The following C8orf34 variants were observed in gnomAD, a reference collection of about 807,000 sequenced individuals.
C8orf34 encodes the protein chromosome 8 open reading frame 34, also known as uncharacterized protein C8orf34.
In C8orf34, 65 loss-of-function variants were observed where a neutral mutation model predicts 68.3. The ratio of observed to expected loss-of-function variants is 0.95; its 90% confidence interval spans 0.78 to 1.17. The LOEUF is 1.17. C8orf34 is among the 50% of genes most tolerant of loss of function. The pLI is 0.00. For missense variants in C8orf34, 664 were observed against 655.4 expected, an observed-to-expected ratio of 1.01 and a Z score of -0.14; for synonymous variants, 244 against 241.2, an observed-to-expected ratio of 1.01 and a Z score of -0.11.
In C8orf34 at chr8:68,343,584, G is replaced by A. The variant is rs118118234; in HGVS notation, c.327+12245G>A. 9.7e-3 allele frequency among the ~76,000 whole-genome samples: 1,371 copies of A among 141,536 alleles called. 44 individuals are homozygous for A. The East Asian group carries it at 0.1, about 11-fold the overall frequency. The allele number at this position is 141,536 out of a possible 152,430, so 92.9% of individuals were successfully genotyped here. ...GGACTGCAGGCAGATGATGCTGTAT[G>A]CCTAGCTAATTTTTTTTTTTTTTTT... is the stretch of plus-strand genomic sequence containing the variant. On this transcript the variant is annotated intron_variant, in intron 1 of 13. Transcript: ENST00000518698.
chr8:68,662,182 A>G (rs533263899), intron 8 of C8orf34, among the ~76,000 whole-genome samples: 1 of 152,094 alleles, frequency 6.6e-6, no homozygotes, highest in Admixed American at 6.5e-5. Flanking sequence ...AGCAAACAAA[A>G]GTTGTTTTGT....
chr8:68,541,527 A>G (rs547360705), intron 7 of C8orf34, among the ~76,000 whole-genome samples: 15 of 152,250 alleles, frequency 9.9e-5, no homozygotes, highest in African/African-American at 3.6e-4. Flanking sequence ...AATTCATATC[A>G]TTTTAATACC....
At chr8:68,617,959 T>G (rs1273467749) in intron 7 of C8orf34, among the ~76,000 whole-genome samples, 4 of 152,198 alleles carry the variant, frequency 2.6e-5, no homozygotes, top group Non-Finnish European at 5.9e-5. Context: ...CATAGTCCCA[T>G]ATTTCTTGGA....
intron 5 of C8orf34, among the ~76,000 whole-genome samples, chr8:68,490,489 C>T (rs1412359899): frequency 6.6e-6 from 1 of 152,142 alleles, no homozygotes; most frequent in African/African-American, 2.4e-5. Flanking sequence ...GGCCTTCTCC[C>T]TCACACCCTC....
chr8:68,349,007 A>T (rs1368583596), intron 1 of C8orf34, among the ~76,000 whole-genome samples: 1 of 151,980 alleles, frequency 6.6e-6, no homozygotes, highest in East Asian at 1.9e-4. Context: ...TACTATGTTG[A>T]ATAGAAGTGG....
At chr8:68,425,484 G>A (rs1479495665) in intron 1 of C8orf34, among the ~76,000 whole-genome samples, 1 of 151,954 alleles carries the variant, frequency 6.6e-6, no homozygotes, top group Non-Finnish European at 1.5e-5. Flanking sequence ...AGCCAGACTA[G>A]AAATATAATA....
chr8:68,776,405 G>T lies in C8orf34; in HGVS notation c.1411G>T (p.Ala471Ser), dbSNP rs773229116. ...KASKLTGPGEASSGVGHSLKN... is the reference protein window; with the variant it reads ...KASKLTGPGESSSGVGHSLKN... Reference sequence around the variant, plus strand: ...TCTTCCTCTTTACTTCTAGGGAGAAGCCTCCAGTGGAGTAGGACACTCACT... The same window carrying T: ...TCTTCCTCTTTACTTCTAGGGAGAATCCTCCAGTGGAGTAGGACACTCACT... The change falls in exon 11 of 14, where the codon GCC (alanine) becomes TCC (serine). Residue 471 changes from alanine to serine, a missense_variant. Physicochemically the swap from Ala to Ser is moderately conservative, Grantham distance 99. Coordinates refer to ENST00000518698, the MANE Select transcript of C8orf34 (RefSeq NM_052958.4). 6.2e-7 allele frequency: 1 copy of T among 1,612,582 alleles called. No individual in the cohort carries two copies. Among genetic ancestry groups the T allele is most frequent in the Non-Finnish European group, 8.5e-7 (1 of 1,178,880 alleles).
chr8:68,440,350 T>C (rs1810849456), intron 2 of C8orf34, among the ~76,000 whole-genome samples: 2 of 152,204 alleles, frequency 1.3e-5, no homozygotes, highest in South Asian at 4.1e-4. Flanking sequence ...TTTCCTTGGA[T>C]GGCATTATCA....
chr8:68,509,739 T>C (rs1202049715), intron 5 of C8orf34, among the ~76,000 whole-genome samples: 2 of 152,200 alleles, frequency 1.3e-5, no homozygotes, highest in African/African-American at 4.8e-5. Flanking sequence ...CTTCTCTTCC[T>C]AGCAGATACC....
chr8:68,449,827 T>C (rs532321732), intron 3 of C8orf34, among the ~76,000 whole-genome samples: 6 of 152,248 alleles, frequency 3.9e-5, no homozygotes, highest in African/African-American at 1.4e-4. Context: ...GAGGTATCTT[T>C]AGCAATTTCC....
At chr8:68,750,516 T>C (rs1410647423) in intron 10 of C8orf34, among the ~76,000 whole-genome samples, 1 of 152,116 alleles carries the variant, frequency 6.6e-6, no homozygotes, top group East Asian at 1.9e-4. Flanking sequence ...ATGAAAAATT[T>C]CTATAGTTAG....
chr8:68,815,769 T>A, intron 12 of C8orf34, 117 bp from the exon 13 acceptor site: 1 of 1,545,606 alleles, frequency 6.5e-7, no homozygotes, highest in Non-Finnish European at 8.8e-7. Context: ...ATAAATGTAG[T>A]TTTAATATTA....
In C8orf34 at chr8:68,567,577, C is replaced by CTTTTTTTTTT. The variant is rs1160845483; in HGVS notation, c.1105+34454_1105+34463dup. Among the ~76,000 whole-genome samples the CTTTTTTTTTT allele has an allele frequency of 1.1e-3, 33 of 29,780 alleles. 5 individuals carry two copies. Among genetic ancestry groups the CTTTTTTTTTT allele is most frequent in the African/African-American group, 1.9e-3 (16 of 8,528 alleles). 19.5% of individuals were successfully genotyped at this position (29,780 alleles called of 152,430 possible). A position where few individuals can be genotyped will look rare whatever the true frequency, so the allele number is the denominator to read the frequency against. On this transcript the variant is annotated intron_variant, in intron 7 of 13. Coordinates refer to ENST00000518698, the MANE Select transcript of C8orf34 (RefSeq NM_052958.4). ...TCTTTTCAAATTTTGTTTCATTTAT[C>CTTTTTTTTTT]TTTTTTTTTTTTTTTTTTTTTTTTT...
At chr8:68,564,385 T>G (rs145624585) in intron 7 of C8orf34, among the ~76,000 whole-genome samples, 1 of 152,220 alleles carries the variant, frequency 6.6e-6, no homozygotes, top group Non-Finnish European at 1.5e-5. Context: ...TCAGGCCAAC[T>G]TGGATACTTA....
At chr8:68,644,983 T>C (rs1819122495) in intron 8 of C8orf34, among the ~76,000 whole-genome samples, 1 of 152,244 alleles carries the variant, frequency 6.6e-6, no homozygotes, top group African/African-American at 2.4e-5. Context: ...AATCAGGATT[T>C]AATTCCAAAT....
chr8:68,488,191 T>A, intron 5 of C8orf34, 140 bp downstream of exon 5: 1 of 576,872 alleles, frequency 1.7e-6, no homozygotes, highest in African/African-American at 1.9e-5. Context: ...CTTTGAAAGT[T>A]AAATGCATAT....
At chr8:68,709,640 G>A (rs1051689531) in intron 9 of C8orf34, among the ~76,000 whole-genome samples, 3 of 152,038 alleles carry the variant, frequency 2.0e-5, no homozygotes, top group Non-Finnish European at 2.9e-5. Context: ...AATACTGCCT[G>A]GTCTATGTGT....
intron 7 of C8orf34, among the ~76,000 whole-genome samples, chr8:68,583,407 A>G (rs1817121838): frequency 6.6e-6 from 1 of 152,302 alleles, no homozygotes; most frequent in South Asian, 2.1e-4. Flanking sequence ...TAACTTGTTC[A>G]ACTTCACATA....
intron 8 of C8orf34, among the ~76,000 whole-genome samples, chr8:68,671,907 T>C (rs1820023783): frequency 6.6e-6 from 1 of 152,172 alleles, no homozygotes; most frequent in Admixed American, 6.5e-5. Flanking sequence ...TTGTGCTAGA[T>C]ACAGTATAAG....
Sources: gnomAD v4.1 joint callset for allele counts (sites outside exome capture counted in the v4.1 genomes callset) on GRCh38, gnomAD v4.1.1 for gene constraint, MANE v1.5 for transcripts, NCBI Gene and HGNC (gene_info 2026-07-23, HGNC 2026-07-21) for gene names.